The following WDR27 variants were observed in gnomAD, a reference collection of about 807,000 sequenced individuals.
WDR27 encodes WD repeat-containing protein 27.
In WDR27, 100 loss-of-function variants were observed where a neutral mutation model predicts 114.4. The ratio of observed to expected loss-of-function variants is 0.87; its 90% confidence interval spans 0.74 to 1.03. The LOEUF (loss-of-function observed/expected upper bound fraction) is 1.03, where lower values mean the gene tolerates loss of function less well. WDR27 is among the 50% of genes least tolerant of loss of function. The pLI, the probability that WDR27 is intolerant of heterozygous loss-of-function variation, is 0.00. For synonymous variants in WDR27, 449 were observed against 423.1 expected (o/e 1.06, Z -0.75); for missense variants, 1,129 against 1,092.9 (o/e 1.03, Z -0.47).
At chr6:169,466,791 T>C (rs1785648778) in intron 25 of WDR27, among the ~76,000 whole-genome samples, 1 of 152,206 alleles carries the variant, frequency 6.6e-6, no homozygotes, top group Admixed American at 6.5e-5. Context: ...CCAAATCTCA[T>C]GTCTTCACAT....
intron 20 of WDR27, among the ~76,000 whole-genome samples, chr6:169,633,916 T>C (rs1345139148): frequency 2.0e-5 from 3 of 152,230 alleles, no homozygotes; most frequent in East Asian, 1.9e-4. Context: ...TCAACGTAGA[T>C]TGAACTTTGA....
In WDR27 at chr6:169,602,225, G is replaced by A. The variant is rs375733270; in HGVS notation, c.2418C>T (p.Asp806=). Residue 806 remains aspartate, a synonymous_variant, in exon 23 of 26, where the codon GAC becomes GAT. Transcript: ENST00000448612. The part of the protein sequence containing the change: ...CGRFAACGAE[D]RHAYVYEMGS... ...ACAGTCAAACAGTACATACGTGTCT[G>A]TCCTCGGCCCCACAAGCCGCGAATC... 12 of 1,553,716 alleles carry A rather than the reference G, an allele frequency of 7.7e-6. No homozygotes were observed. The highest frequency in any genetic ancestry group is 9.6e-6 in the Non-Finnish European group (11 of 1,146,854).
At chr6:169,472,826 C>G (rs556661543) in intron 25 of WDR27, among the ~76,000 whole-genome samples, 1 of 152,074 alleles carries the variant, frequency 6.6e-6, no homozygotes, top group East Asian at 1.9e-4. Flanking sequence ...TTTAAAAGTC[C>G]CAAAATAAAT....
chr6:169,655,822 C>T (rs1824021502), intron 13 of WDR27, among the ~76,000 whole-genome samples: 1 of 152,174 alleles, frequency 6.6e-6, no homozygotes, highest in East Asian at 1.9e-4. Flanking sequence ...TGGGTTCAAG[C>T]GATTCTCCTG....
intron 13 of WDR27, among the ~76,000 whole-genome samples, chr6:169,655,364 G>A (rs138947024): frequency 6.6e-6 from 1 of 152,210 alleles, no homozygotes; most frequent in Non-Finnish European, 1.5e-5. Flanking sequence ...CAGCCCTCCC[G>A]GCTCCAGGGT....
Position 169,596,575 on chromosome 6 carries a change from G to C in WDR27, c.2424+5644C>G, listed in dbSNP as rs142959960. Among the ~76,000 whole-genome samples the C allele has an allele frequency of 8.3e-3, 1,253 of 151,714 alleles. 59 individuals are homozygous for C. Among genetic ancestry groups the C allele is most frequent in the Admixed American group, 0.068 (1,041 of 15,242 alleles). On this transcript the variant is annotated intron_variant, in intron 23 of 25. Transcript: ENST00000448612. Reference sequence around the variant, plus strand: ...AGACACATTTTTATGGTGTACTCTTGTTGTCTGTGAGAATATTTTTTGGTT... The same window carrying C: ...AGACACATTTTTATGGTGTACTCTTCTTGTCTGTGAGAATATTTTTTGGTT...
intron 25 of WDR27, among the ~76,000 whole-genome samples, chr6:169,516,788 AACACAC>A (rs3032851): frequency 0.035 from 4,230 of 119,298 alleles, 135 homozygotes; most frequent in African/African-American, 0.091. Flanking sequence ...GGCATGCTCC[AACACAC>A]ACACACACAC....
At chr6:169,454,594 G>A (rs987226240), downstream of WDR27, among the ~76,000 whole-genome samples, 2 of 152,116 alleles carry the variant, frequency 1.3e-5, no homozygotes, top group East Asian at 1.9e-4. Context: ...TGTCAAAAAC[G>A]AACAGATATT....
At chr6:169,452,628 G>A (rs922612115), downstream of WDR27, among the ~76,000 whole-genome samples, 4 of 152,132 alleles carry the variant, frequency 2.6e-5, no homozygotes, top group Non-Finnish European at 4.4e-5. Context: ...CATGGCAGCC[G>A]CAGGAGGAGG....
At chr6:169,509,991 A>G (rs1481834304) in intron 25 of WDR27, among the ~76,000 whole-genome samples, 2 of 152,260 alleles carry the variant, frequency 1.3e-5, no homozygotes, top group Admixed American at 6.5e-5. Flanking sequence ...GATACTTTTC[A>G]AAAGAAGACA....
chr6:169,647,928 A>G (rs1821217236), intron 15 of WDR27, 58 bp from the exon 16 acceptor site: 4 of 1,300,182 alleles, frequency 3.1e-6, no homozygotes. Flanking sequence ...GATTAGAAGT[A>G]AAACATAAGC....
At chr6:169,539,322 A>G (rs1369978402) in intron 25 of WDR27, among the ~76,000 whole-genome samples, 2 of 152,166 alleles carry the variant, frequency 1.3e-5, no homozygotes, top group African/African-American at 2.4e-5. Context: ...ACTTGTCCAC[A>G]GTTAATTGGA....
chr6:169,661,929 A>C (rs1290777268), intron 9 of WDR27, among the ~76,000 whole-genome samples: 1 of 152,242 alleles, frequency 6.6e-6, no homozygotes, highest in Non-Finnish European at 1.5e-5. Flanking sequence ...CACAGAAATA[A>C]ATAAAATTAG....
intron 2 of WDR27, among the ~76,000 whole-genome samples, chr6:169,681,101 T>A (rs1053821753): frequency 6.6e-6 from 1 of 152,222 alleles, no homozygotes; most frequent in African/African-American, 2.4e-5. Flanking sequence ...CCTAATAGTG[T>A]TACTTGCAAT....
chr6:169,606,575 G>T (rs1809234466), intron 22 of WDR27, among the ~76,000 whole-genome samples: 2 of 152,164 alleles, frequency 1.3e-5, no homozygotes. Flanking sequence ...TTGGTTTTAT[G>T]TTCCTGTGTT....
At chr6:169,576,236 G>C (rs577564862) in intron 24 of WDR27, among the ~76,000 whole-genome samples, 1 of 152,344 alleles carries the variant, frequency 6.6e-6, no homozygotes, top group African/African-American at 2.4e-5. Flanking sequence ...GCTGGGCTGG[G>C]CTGGGCCTCA....
chr6:169,675,863 T>C (rs1173418600), intron 2 of WDR27, among the ~76,000 whole-genome samples: 1 of 152,150 alleles, frequency 6.6e-6, no homozygotes, highest in East Asian at 1.9e-4. Flanking sequence ...AATTATCTCC[T>C]GGATCTGGGA....
chr6:169,463,497 C>T (rs377514107), intron 25 of WDR27, among the ~76,000 whole-genome samples: 14 of 152,144 alleles, frequency 9.2e-5, no homozygotes, highest in Admixed American at 2.6e-4. Flanking sequence ...CAAGGATGCC[C>T]GCTTTCATCA....
rs371928297 is a variant in WDR27 at position 169,702,016 on chromosome 6, G to T, written c.-473C>A. On this transcript the variant is annotated 5_prime_UTR_variant, in exon 1 of 26. Coordinates refer to ENST00000448612, the MANE Select transcript of WDR27 (RefSeq NM_182552.5). The stretch of plus-strand genomic sequence containing the variant: ...TGGTTACTTGCCAGCCGACCCACGC[G>T]AGCCGCTATGGTTACTAGCCCGCCG... The T allele has an allele frequency of 6.9e-6, 3 of 433,866 alleles. No homozygotes were observed. Among genetic ancestry groups the T allele is most frequent in the East Asian group, 7.2e-5 (1 of 13,840 alleles). 26.9% of individuals were successfully genotyped at this position (433,866 alleles called of 1,614,324 possible).
Sources: allele counts gnomAD v4.1 joint callset (sites outside exome capture counted in the v4.1 genomes callset), GRCh38; gene constraint gnomAD v4.1.1; transcripts MANE v1.5; gene names NCBI Gene and HGNC (gene_info 2026-07-23, HGNC 2026-07-21).